SOX6: variants seen among roughly 807,000 people sequenced by gnomAD.
SOX6 encodes transcription factor SOX-6.
A neutral mutation model predicts 97.8 loss-of-function variants in SOX6; 11 were observed. The observed-to-expected ratio is 0.11, with a 90% CI of 0.07 to 0.19. The LOEUF (loss-of-function observed/expected upper bound fraction) is 0.19. Ranked by LOEUF, SOX6 falls within the 10% of genes least tolerant of loss-of-function variation. The pLI is 1.00. For synonymous variants in SOX6, 360 were observed against 371.4 expected (o/e 0.97, Z 0.35); for missense variants, 810 against 1,039.5 (o/e 0.78, Z 3.04).
chr11:16,278,041 T>TA (rs1565065301), intron 3 of SOX6, among the ~76,000 whole-genome samples: 36 of 151,974 alleles, frequency 2.4e-4, no homozygotes, highest in Admixed American at 1.0e-3. Context: ...ATATATATAT[T>TA]TCTCTCTTAG....
At chr11:16,488,539 T>G (rs1040032339) in intron 4 of SOX6, among the ~76,000 whole-genome samples, 1 of 152,108 alleles carries the variant, frequency 6.6e-6, no homozygotes, top group Non-Finnish European at 1.5e-5. Flanking sequence ...TTAGGTGATG[T>G]GGTGGCTAGT....
At chr11:16,506,965 G>A (rs1430124337) in intron 4 of SOX6, among the ~76,000 whole-genome samples, 1 of 148,030 alleles carries the variant, frequency 6.8e-6, no homozygotes, top group Admixed American at 6.8e-5. Flanking sequence ...TCAGGAGGCT[G>A]GGGCATGAGA....
chr11:16,332,037 C>T (rs1395603850), intron 2 of SOX6, among the ~76,000 whole-genome samples: 1 of 151,950 alleles, frequency 6.6e-6, no homozygotes, highest in East Asian at 1.9e-4. Context: ...AAAGGAGGGC[C>T]AAATTCTAAC....
intron 4 of SOX6, among the ~76,000 whole-genome samples, chr11:16,524,383 G>A (rs985923936): frequency 9.9e-5 from 15 of 151,956 alleles, no homozygotes; most frequent in African/African-American, 3.4e-4. Context: ...AAAACTACAT[G>A]ATTATCTCAA....
chr11:16,487,226 C>T (rs1860450494), intron 4 of SOX6, among the ~76,000 whole-genome samples: 2 of 152,072 alleles, frequency 1.3e-5, no homozygotes, highest in Non-Finnish European at 2.9e-5. Context: ...GTATTAGAAA[C>T]TAGACATGGA....
intron 4 of SOX6, among the ~76,000 whole-genome samples, chr11:16,539,174 T>C (rs1484922394): frequency 6.6e-6 from 1 of 152,176 alleles, no homozygotes; most frequent in Non-Finnish European, 1.5e-5. Context: ...AGAAACTGAC[T>C]CAAAACTGCA....
At chr11:16,409,277 C>T (rs1858746582) in intron 1 of SOX6, among the ~76,000 whole-genome samples, 1 of 99,938 alleles carries the variant, frequency 1.0e-5, no homozygotes, top group Non-Finnish European at 2.1e-5. Flanking sequence ...TTGCAGTCCC[C>T]TAACCCCCCT....
chr11:16,159,908 T>C (rs192103682), intron 6 of SOX6, among the ~76,000 whole-genome samples: 1 of 152,200 alleles, frequency 6.6e-6, no homozygotes, highest in East Asian at 1.9e-4. Flanking sequence ...GGAGCAAAAT[T>C]TCTAAAGCAG....
At chr11:16,196,853 A>G (rs1590018873) in intron 4 of SOX6, among the ~76,000 whole-genome samples, 2 of 82,734 alleles carry the variant, frequency 2.4e-5, no homozygotes, top group Admixed American at 1.8e-4. Context: ...TTTTTTTTTG[A>G]GATGGAGTCT....
At chr11:16,548,008 T>C (rs1253369551) in intron 4 of SOX6, among the ~76,000 whole-genome samples, 3 of 151,824 alleles carry the variant, frequency 2.0e-5, no homozygotes, top group Non-Finnish European at 4.4e-5. Context: ...AAAAAGAACA[T>C]CTTAAAAGCA....
intron 1 of SOX6, among the ~76,000 whole-genome samples, chr11:16,442,520 TTC>T (rs1479217916): frequency 6.6e-6 from 1 of 152,122 alleles, no homozygotes; most frequent in Non-Finnish European, 1.5e-5. Context: ...ATTAATCTTT[TTC>T]TCTTAAATAT....
At chr11:16,694,988 G>A (rs1243535189) in intron 3 of SOX6, among the ~76,000 whole-genome samples, 1 of 152,186 alleles carries the variant, frequency 6.6e-6, no homozygotes, top group African/African-American at 2.4e-5. Context: ...ATGGGAGGAT[G>A]TGCATAGGTT....
chr11:16,080,165 T>C (rs764937506), intron 9 of SOX6, among the ~76,000 whole-genome samples: 1 of 151,322 alleles, frequency 6.6e-6, no homozygotes, highest in Non-Finnish European at 1.5e-5. Context: ...ATTGACTCTT[T>C]CTACAATGTA....
intron 1 of SOX6, among the ~76,000 whole-genome samples, chr11:16,472,067 G>T (rs1860150070): frequency 6.6e-6 from 1 of 152,178 alleles, no homozygotes; most frequent in South Asian, 2.1e-4. Flanking sequence ...TCAAAAGAAA[G>T]TGATCAGCTA....
At chr11:16,623,700 AGATTT>A (rs1848580812) in intron 3 of SOX6, among the ~76,000 whole-genome samples, 1 of 152,162 alleles carries the variant, frequency 6.6e-6, no homozygotes, top group African/African-American at 2.4e-5. Flanking sequence ...TTCACGTCTT[AGATTT>A]AAGTCTTTGA....
chr11:16,236,424 T>C (rs1853024795), intron 3 of SOX6, among the ~76,000 whole-genome samples: 1 of 152,034 alleles, frequency 6.6e-6, no homozygotes, highest in South Asian at 2.1e-4. Flanking sequence ...CAAATCAGGT[T>C]TGAATTTCTG....
chr11:16,298,780 T>A (rs977871399), intron 3 of SOX6, among the ~76,000 whole-genome samples: 5 of 152,114 alleles, frequency 3.3e-5, no homozygotes, highest in African/African-American at 1.2e-4. Context: ...CGTTTTGGCA[T>A]CACTGTAAAT....
rs1393022683 is a variant in SOX6 at position 16,610,615 on chromosome 11, G to C, written n.609+1466C>G. ...TAATAAACTGATAGCAAAGTATATT[G>C]ATAAGGCGGAACCCGGAGCAAGTAA... is the stretch of plus-strand genomic sequence containing the variant. On this transcript the variant is annotated intron_variant and non_coding_transcript_variant, in intron 4 of 5. Coordinates refer to the SOX6 transcript ENST00000524520. This position sits in a 1 kb window ranked among gnomAD's most constrained non-coding sequence, Gnocchi z 4.4. Among the ~76,000 whole-genome samples, 4 of 152,156 alleles carry C rather than the reference G, an allele frequency of 2.6e-5. No homozygotes were observed. The highest frequency in any genetic ancestry group is 1.3e-4 in the Admixed American group (2 of 15,280).
At chr11:16,342,108 T>C (rs1480263347) in intron 1 of SOX6, among the ~76,000 whole-genome samples, 4 of 152,042 alleles carry the variant, frequency 2.6e-5, no homozygotes, top group African/African-American at 4.8e-5. Context: ...TTCATTTATA[T>C]GCCCACAAAT....
Sources: allele counts gnomAD v4.1 joint callset (sites outside exome capture counted in the v4.1 genomes callset), GRCh38; gene constraint gnomAD v4.1.1; non-coding constraint Gnocchi (gnomAD v3.1); transcripts MANE v1.5; gene names NCBI Gene and HGNC (gene_info 2026-07-23, HGNC 2026-07-21).